TOPAZ1: variants seen among roughly 807,000 people sequenced by gnomAD.
TOPAZ1 encodes the protein protein TOPAZ1.
In TOPAZ1, 66 loss-of-function variants were observed where a neutral mutation model predicts 172.2. The observed-to-expected ratio is 0.38, with a 90% CI of 0.31 to 0.47. The LOEUF (loss-of-function observed/expected upper bound fraction) is 0.47. Ranked by LOEUF, TOPAZ1 falls within the 20% of genes least tolerant of loss-of-function variation. The pLI is 0.99. For synonymous variants in TOPAZ1, 681 were observed against 683.9 expected (o/e 1.00, Z 0.07); for missense variants, 1,822 against 1,972.4 (o/e 0.92, Z 1.44).
At chr3:44,258,153 C>T (rs1007094027) in intron 4 of TOPAZ1, among the ~76,000 whole-genome samples, 1 of 152,080 alleles carries the variant, frequency 6.6e-6, no homozygotes, top group African/African-American at 2.4e-5. Flanking sequence ...TGATTTGAAA[C>T]CATTATTATT....
At position 44,314,252 on chromosome 3, in the gene TOPAZ1, AT is replaced by A. The variant is rs1700428647; in HGVS notation, c.4306+4268del. 5.3e-5 allele frequency among the ~76,000 whole-genome samples: 8 copies of A among 151,832 alleles called. No homozygotes were observed. The South Asian group carries it at 1.5e-3, about 28-fold the overall frequency. ...AACTTTGCATTTAATTATTAAAGAA[AT>A]TTTTTCCCCATCTGGACCTTACTTT... On this transcript the variant is annotated intron_variant, in intron 16 of 19. Transcript: ENST00000309765.
intron 2 of TOPAZ1, among the ~76,000 whole-genome samples, chr3:44,245,530 CTTTTTTTTT>C (rs531158571): frequency 4.8e-5 from 4 of 83,000 alleles, no homozygotes; most frequent in Admixed American, 1.4e-4. Flanking sequence ...CATAGAGTGG[CTTTTTTTTT>C]TTTTTTTTTT....
At chr3:44,313,628 A>C (rs1227428693) in intron 16 of TOPAZ1, among the ~76,000 whole-genome samples, 2 of 151,876 alleles carry the variant, frequency 1.3e-5, no homozygotes, top group Non-Finnish European at 2.9e-5. Context: ...AAAAAAAAAA[A>C]AAAAAAGCCC....
rs1273306692 is a variant in TOPAZ1, at chr3:44,244,839, A to G, written c.2333A>G (p.Asn778Ser). Residue 778 changes from asparagine (N) to serine (S), a missense_variant, in exon 2 of 20, where the codon AAC becomes AGC. Around this residue, in one of 2 missense-constraint regions of TOPAZ1, gnomAD observed 1,489 missense variants for 1,490.8 expected, o/e 1.00. Transcript: ENST00000309765. Reference sequence around the variant, plus strand: ...TCTCCAAGCTTTACAAAGCAAGGTAACAATAGCAAACCATCTAATCACGTC... The same window carrying G: ...TCTCCAAGCTTTACAAAGCAAGGTAGCAATAGCAAACCATCTAATCACGTC... The part of the protein sequence containing the change: ...SISPSFTKQG[N>S]NSKPSNHVSE... 1.3e-6 allele frequency: 2 copies of G among 1,551,756 alleles called. No individual in the cohort carries two copies. The highest frequency in any genetic ancestry group is 1.7e-6 in the Non-Finnish European group (2 of 1,147,002).
At chr3:44,294,918 T>G (rs1161968752) in intron 12 of TOPAZ1, among the ~76,000 whole-genome samples, 6 of 152,236 alleles carry the variant, frequency 3.9e-5, no homozygotes, top group Non-Finnish European at 8.8e-5. Context: ...AGTGACAATT[T>G]ATATGTGCCT....
At chr3:44,292,676 G>C (rs994061584) in intron 12 of TOPAZ1, among the ~76,000 whole-genome samples, 15 of 152,108 alleles carry the variant, frequency 9.9e-5, no homozygotes, top group African/African-American at 3.4e-4. Context: ...TGTAATAGTT[G>C]TATATGTTTA....
At chr3:44,314,116 A>T (rs902272892) in intron 16 of TOPAZ1, among the ~76,000 whole-genome samples, 9 of 152,086 alleles carry the variant, frequency 5.9e-5, no homozygotes, top group African/African-American at 2.2e-4. Context: ...TTTAGTAGAG[A>T]TAGGGTTTCA....
rs530319257 is a variant in TOPAZ1 at position 44,320,994 on chromosome 3, T to C, written c.4307-33T>C. ...ATACTGTTAAGTGTCATTTTCATGG[T>C]ATAAACTATTCATATTTTTTTCTTT... On this transcript the variant is annotated intron_variant, in intron 16 of 19. Transcript: ENST00000309765. The C allele has an allele frequency of 4.2e-6, 6 of 1,411,908 alleles. No individual in the cohort carries two copies. The East Asian group carries it at 1.5e-4, about 35-fold the overall frequency. 87.5% of individuals were successfully genotyped at this position (1,411,908 alleles called of 1,614,324 possible).
At position 44,319,508 on chromosome 3, in the gene TOPAZ1, C is replaced by T. The variant is rs1393496052; in HGVS notation, c.4307-1519C>T. ...CAGATAAAAAATAATTGAACTTATT[C>T]AATCAAAGTAAAATTCACTTTATAA... On this transcript the variant is annotated intron_variant, in intron 16 of 19. Coordinates refer to ENST00000309765, the MANE Select transcript of TOPAZ1 (RefSeq NM_001145030.2). Among the ~76,000 whole-genome samples the T allele has an allele frequency of 2.6e-5, 4 of 152,082 alleles. No individual in the cohort carries two copies. The East Asian group carries it at 7.7e-4, about 29-fold the overall frequency.
chr3:44,309,320 A>AC (rs1700370766), intron 15 of TOPAZ1, among the ~76,000 whole-genome samples: 7 of 152,132 alleles, frequency 4.6e-5, no homozygotes, highest in Admixed American at 4.6e-4. Context: ...GGGTTTCACC[A>AC]CACTCCCCAG....
chr3:44,305,432 C>A, intron 14 of TOPAZ1, 111 bp downstream of exon 14: 3 of 880,604 alleles, frequency 3.4e-6, no homozygotes, highest in East Asian at 6.3e-5. Flanking sequence ...TACAGGGGTG[C>A]GGTCATAGCT....
intron 12 of TOPAZ1, among the ~76,000 whole-genome samples, chr3:44,300,295 A>G (rs1360877182): frequency 1.3e-5 from 2 of 151,928 alleles, no homozygotes; most frequent in African/African-American, 2.4e-5. Context: ...TTACCCAGGC[A>G]TGGTGGTACA....
At chr3:44,302,258 A>T (rs370845564) in intron 12 of TOPAZ1, among the ~76,000 whole-genome samples, 44 of 152,168 alleles carry the variant, frequency 2.9e-4, no homozygotes, top group African/African-American at 9.4e-4. Context: ...AAAATACAAA[A>T]AACTAGCCGG....
At chr3:44,300,097 TATA>T (rs1402115359) in intron 12 of TOPAZ1, among the ~76,000 whole-genome samples, 1 of 149,822 alleles carries the variant, frequency 6.7e-6, no homozygotes, top group Admixed American at 6.7e-5. Flanking sequence ...AAACTTAAAG[TATA>T]ATAATAATAA....
intron 2 of TOPAZ1, among the ~76,000 whole-genome samples, chr3:44,252,134 C>G (rs1699639803): frequency 6.6e-6 from 1 of 152,104 alleles, no homozygotes; most frequent in Non-Finnish European, 1.5e-5. Flanking sequence ...ATTATAAATA[C>G]TATCTTAATA....
At chr3:44,257,467 A>G (rs1207380361) in intron 4 of TOPAZ1, among the ~76,000 whole-genome samples, 2 of 106,050 alleles carry the variant, frequency 1.9e-5, no homozygotes, top group African/African-American at 6.9e-5. Flanking sequence ...ATATATATAT[A>G]TAGTGTGTGT....
At chr3:44,270,952 G>A (rs1699889704) in intron 8 of TOPAZ1, 142 bp downstream of exon 8, 9 of 725,328 alleles carry the variant, frequency 1.2e-5, no homozygotes, top group South Asian at 3.2e-5. Flanking sequence ...GGAATCATAT[G>A]TGTATTCTTT....
chr3:44,261,042 G>A (rs1484132710), intron 4 of TOPAZ1, among the ~76,000 whole-genome samples: 2 of 151,922 alleles, frequency 1.3e-5, no homozygotes, highest in Non-Finnish European at 2.9e-5. Context: ...TTGAAAAATA[G>A]TAAGTAAAAT....
At position 44,243,167 on chromosome 3, in the gene TOPAZ1, A is replaced by G. The variant is rs1699508190; in HGVS notation, c.661A>G (p.Asn221Asp). ...CNILSPEVEN[N>D]SVLKLRDCNC... is the part of the protein sequence containing the mutation. ...TATCTTGTCACCTGAAGTAGAAAAT[A>G]ATTCCGTTTTAAAATTACGTGATTG... is the stretch of plus-strand genomic sequence containing the variant. Residue 221 changes from asparagine to aspartate, a missense_variant, in exon 2 of 20, where the codon AAT becomes GAT. Transcript: ENST00000309765. The G allele has an allele frequency of 6.5e-7, 1 of 1,549,724 alleles. No individual in the cohort carries two copies. Among genetic ancestry groups the G allele is most frequent in the Non-Finnish European group, 8.7e-7 (1 of 1,146,214 alleles).
Sources: gnomAD v4.1 joint callset for allele counts (sites outside exome capture counted in the v4.1 genomes callset) on GRCh38, gnomAD v4.1.1 for gene constraint, gnomAD v4.1.1 regional missense constraint, MANE v1.5 for transcripts, NCBI Gene and HGNC (gene_info 2026-07-23, HGNC 2026-07-21) for gene names.